Variants in FBN2 observed in about 807,000 individuals in gnomAD.
FBN2 encodes fibrillin-2.
In FBN2, 105 loss-of-function variants were observed where a neutral mutation model predicts 355.6. The observed-to-expected ratio is 0.30, with a 90% CI of 0.25 to 0.35. The LOEUF is 0.35. FBN2 is among the 10% of genes least tolerant of loss of function. The pLI, the probability that FBN2 is intolerant of heterozygous loss-of-function variation, is 1.00. For synonymous variants in FBN2, 1,350 were observed against 1,301.2 expected (o/e 1.04, Z -0.81); for missense variants, 3,280 against 3,758.7 (o/e 0.87, Z 3.33).
intron 5 of FBN2, among the ~76,000 whole-genome samples, chr5:128,509,489 G>A (rs1030380921): frequency 1.3e-5 from 2 of 152,088 alleles, no homozygotes; most frequent in South Asian, 2.1e-4. Context: ...GGGACATAAG[G>A]AATACCTTAT....
chr5:128,438,022 C>T (rs913311426), intron 7 of FBN2, among the ~76,000 whole-genome samples: 1 of 152,156 alleles, frequency 6.6e-6, no homozygotes, highest in Non-Finnish European at 1.5e-5. Context: ...TTCTTCATAA[C>T]ATGACTACTA....
intron 2 of FBN2, among the ~76,000 whole-genome samples, chr5:128,531,896 A>T (rs1322059552): frequency 6.6e-6 from 1 of 152,190 alleles, no homozygotes; most frequent in Admixed American, 6.5e-5. Flanking sequence ...CATAATCCTA[A>T]ATCTTTAATT....
At chr5:128,438,031 T>C (rs139954940) in intron 7 of FBN2, among the ~76,000 whole-genome samples, 339 of 152,288 alleles carry the variant, frequency 2.2e-3, no homozygotes, top group Admixed American at 4.5e-3. Context: ...ACATGACTAC[T>C]ACAGGCTGGA....
At chr5:128,464,611 C>T in intron 6 of FBN2, 113 bp downstream of exon 6, 2 of 1,188,508 alleles carry the variant, frequency 1.7e-6, no homozygotes, top group Admixed American at 3.4e-5. Flanking sequence ...CGAGGCCACT[C>T]TTGGAAATCA....
Position 128,278,023 on chromosome 5 carries a change from A to G in FBN2, c.7346-18T>C, listed in dbSNP as rs1231908334. 1.9e-6 allele frequency: 3 copies of G among 1,613,692 alleles called. No homozygotes were observed. Among genetic ancestry groups the G allele is most frequent in the East Asian group, 4.5e-5 (2 of 44,850 alleles). ...ATCAATATCTGTGGACCAAAACAAC[A>G]AAAACAATCAGGAGTTAACATATAT... On this transcript the variant is annotated intron_variant, in intron 57 of 64. Transcript: ENST00000262464.
At chr5:128,488,925 A>C (rs1182189413) in intron 5 of FBN2, among the ~76,000 whole-genome samples, 1 of 152,054 alleles carries the variant, frequency 6.6e-6, no homozygotes, top group Non-Finnish European at 1.5e-5. Context: ...GTTGGTTCCA[A>C]GTCTTTGCTA....
intron 5 of FBN2, among the ~76,000 whole-genome samples, chr5:128,471,732 T>C (rs1039007861): frequency 1.8e-4 from 27 of 152,104 alleles, no homozygotes; most frequent in Middle Eastern, 3.2e-3. Flanking sequence ...GTAACTTATT[T>C]AGAGTTATGA....
chr5:128,335,888 G>T, intron 28 of FBN2, 100 bp downstream of exon 28: 1 of 1,290,502 alleles, frequency 7.7e-7, no homozygotes, highest in Non-Finnish European at 1.1e-6. Flanking sequence ...TCATTTTTGG[G>T]ACAAAGGATT....
chr5:128,318,750 TTC>T lies in FBN2; in HGVS notation c.4594+127_4594+128del, dbSNP rs1750284720. On this transcript the variant is annotated intron_variant, in intron 35 of 64. Coordinates refer to ENST00000262464, the MANE Select transcript of FBN2 (RefSeq NM_001999.4). ...CAAATAAATGCATCTGAATATAATT[TTC>T]TTTTTCTGAAAAATGTGTAACCTAA... 4 of 823,002 alleles carry T rather than the reference TTC, an allele frequency of 4.9e-6. No homozygotes were observed. In the South Asian group the frequency reaches 7.6e-5, roughly 16 times the overall value. The allele number at this position is 823,002 out of a possible 1,614,324, so 51.0% of individuals were successfully genotyped here.
At chr5:128,304,004 T>C (rs1265672309) in intron 45 of FBN2, among the ~76,000 whole-genome samples, 1 of 152,124 alleles carries the variant, frequency 6.6e-6, no homozygotes, top group Admixed American at 6.6e-5. Flanking sequence ...AAGGGAGGGC[T>C]TTAGGAGGCA....
chr5:128,334,961 T>A, intron 30 of FBN2, 117 bp from the exon 31 acceptor site: 2 of 1,168,544 alleles, frequency 1.7e-6, no homozygotes, highest in Admixed American at 3.8e-5. Flanking sequence ...ATATAATCCA[T>A]CCGCAAATCA....
chr5:128,404,692 A>G (rs1752882279), intron 8 of FBN2, among the ~76,000 whole-genome samples: 2 of 152,252 alleles, frequency 1.3e-5, no homozygotes, highest in South Asian at 4.1e-4. Flanking sequence ...AGGGTCCATG[A>G]AGCTGCATAA....
At chr5:128,537,014 C>T (rs1045026407) in intron 1 of FBN2, among the ~76,000 whole-genome samples, 5 of 152,104 alleles carry the variant, frequency 3.3e-5, no homozygotes, top group African/African-American at 1.2e-4. Context: ...TCTCTGGCCC[C>T]TGCAGCAGGC....
At chr5:128,374,792 T>C in intron 14 of FBN2, 42 bp from the exon 15 acceptor site, 1 of 1,611,922 alleles carries the variant, frequency 6.2e-7, no homozygotes, top group Non-Finnish European at 8.5e-7. Context: ...ACTGGGTAAA[T>C]TTAACGTTAT....
intron 48 of FBN2, among the ~76,000 whole-genome samples, chr5:128,296,077 T>C (rs1749500814): frequency 6.6e-6 from 1 of 152,252 alleles, no homozygotes; most frequent in African/African-American, 2.4e-5. Flanking sequence ...AGGCCTTTTC[T>C]GCATCTTTTG....
At position 128,349,943 on chromosome 5, in the gene FBN2, G is replaced by A; in HGVS notation, c.2863+12C>T. The A allele has an allele frequency of 6.2e-7, 1 of 1,602,504 alleles. No individual in the cohort carries two copies. Among genetic ancestry groups the A allele is most frequent in the Non-Finnish European group, 8.6e-7 (1 of 1,169,342 alleles). The stretch of plus-strand genomic sequence containing the variant: ...AAGATGTATAGTATCTTCCAAGGAA[G>A]GATACACTCACCTTCACACGTAACA... On this transcript the variant is annotated intron_variant, in intron 22 of 64. Coordinates refer to ENST00000262464, the MANE Select transcript of FBN2 (RefSeq NM_001999.4).
At chr5:128,328,437 G>C (rs995039486) in intron 34 of FBN2, 15 of 607,602 alleles carry the variant, frequency 2.5e-5, no homozygotes, top group African/African-American at 5.6e-5. Flanking sequence ...AGAAAGAAGA[G>C]AAGAAATGGT....
In FBN2 at chr5:128,311,375, T is replaced by A; in HGVS notation, c.4999A>T (p.Ile1667Phe). 1 of 1,614,084 alleles carries A rather than the reference T, an allele frequency of 6.2e-7. No homozygotes were observed. The highest frequency in any genetic ancestry group is 1.7e-5 in the Admixed American group (1 of 60,018). Residue 1667 changes from isoleucine to phenylalanine, a missense_variant, in exon 39 of 65, where the codon ATC becomes TTC. Coordinates refer to ENST00000262464, the MANE Select transcript of FBN2 (RefSeq NM_001999.4). ...CACTGGAAGCTCCCAAAAGTGTTGA[T>A]GCAGTTTCCACCCTGGCAGAGACCT... ...LPGLCQGGNC[I>F]NTFGSFQCEC...
chr5:128,330,609 A>C lies in FBN2; in HGVS notation c.4309T>G (p.Ser1437Ala). 6.2e-7 allele frequency: 1 copy of C among 1,614,064 alleles called. No homozygotes were observed. The highest frequency in any genetic ancestry group is 8.5e-7 in the Non-Finnish European group (1 of 1,179,962). The change falls in exon 33 of 65, where the codon TCC becomes GCC. Residue 1437 changes from serine to alanine, a missense_variant. Coordinates refer to ENST00000262464, the MANE Select transcript of FBN2 (RefSeq NM_001999.4). ...NTPGSYRCAC[S>A]EGFTGDGFTC... ...AAGCCATCACCAGTGAAACCTTCGGAGCAGGCACAGCGGTATGAGCCCGGG... is the reference window on the plus strand; with the variant it reads ...AAGCCATCACCAGTGAAACCTTCGGCGCAGGCACAGCGGTATGAGCCCGGG...
Sources: gnomAD v4.1 joint callset for allele counts (sites outside exome capture counted in the v4.1 genomes callset) on GRCh38, gnomAD v4.1.1 for gene constraint, MANE v1.5 for transcripts, NCBI Gene and HGNC (gene_info 2026-07-23, HGNC 2026-07-21) for gene names.